The following UFD1 variants were observed in gnomAD, a reference collection of about 807,000 sequenced individuals.
UFD1 encodes ubiquitin recognition factor in ER associated degradation 1, also known as ubiquitin recognition factor in ER-associated degradation protein 1.
In UFD1, 13 loss-of-function variants were observed where a neutral mutation model predicts 45.9. That is an observed-to-expected ratio of 0.28 (90% CI 0.18 to 0.45). UFD1 has a LOEUF of 0.45. Among genes scored for constraint, UFD1 ranks in the 20% least tolerant of loss-of-function variants. The probability of loss-of-function intolerance (pLI) is 1.00; values close to 1 mark genes in which losing one functional copy is unlikely to be tolerated. For synonymous variants in UFD1, 128 were observed against 139.2 expected, an observed-to-expected ratio of 0.92 and a Z score of 0.56; for missense variants, 218 against 389.2, an observed-to-expected ratio of 0.56 and a Z score of 3.70.
chr22:19,474,045 G>A (rs1418589953), intron 3 of UFD1, among the ~76,000 whole-genome samples: 1 of 152,152 alleles, frequency 6.6e-6, no homozygotes, highest in African/African-American at 2.4e-5. Flanking sequence ...GTGTAGTATG[G>A]GGCTAGGGCA....
At chr22:19,454,534 C>A in intron 11 of UFD1, 4 of 1,056,718 alleles carry the variant, frequency 3.8e-6, no homozygotes, top group Non-Finnish European at 5.1e-6. Flanking sequence ...ATGTGACTTG[C>A]CCCCTGCCAT....
chr22:19,479,148 C>G lies in UFD1; in HGVS notation c.-63G>C. The stretch of plus-strand genomic sequence containing the variant: ...AATGCAACGAAGAAACCCCGCCGAC[C>G]GCTCTCCCAGCCGCCGCTGCCGCTG... On this transcript the variant is annotated 5_prime_UTR_variant, in exon 1 of 12. Transcript: ENST00000263202. 1 of 1,589,758 alleles carries G rather than the reference C, an allele frequency of 6.3e-7. No homozygotes were observed. The highest frequency in any genetic ancestry group is 2.3e-5 in the East Asian group (1 of 43,368).
intron 11 of UFD1, chr22:19,454,002 T>A: frequency 1.0e-6 from 1 of 985,710 alleles, no homozygotes; most frequent in Non-Finnish European, 1.2e-6. Flanking sequence ...TCCCACAAAG[T>A]GCCCATGTCT....
intron 11 of UFD1, 86 bp downstream of exon 11, chr22:19,454,663 C>G: frequency 1.9e-6 from 3 of 1,602,246 alleles, no homozygotes; most frequent in Non-Finnish European, 2.6e-6. Context: ...ATGCACACCC[C>G]TACTCAGAAT....
chr22:19,457,098 T>C lies in UFD1; in HGVS notation c.565-180A>G, dbSNP rs552020853. 239 of 608,324 alleles carry C rather than the reference T, an allele frequency of 3.9e-4. 2 individuals are homozygous for C. In the East Asian group the frequency reaches 6.6e-3, roughly 17 times the overall value. The allele number at this position is 608,324 out of a possible 1,614,324, so 37.7% of individuals were successfully genotyped here. ...CATCTTACAAAATTACAGTAAAGTA[T>C]TGCTGCCAGGATATCAACACTGGCA... On this transcript the variant is annotated intron_variant, in intron 7 of 11. Transcript: ENST00000263202.
chr22:19,450,398 T>C lies in UFD1; in HGVS notation c.*272A>G, dbSNP rs959201420. ...TTGCTCCTGCTGAGGCAGTGGGAGCTCCCCTCAAGCTGAAAGCGTGAAGAG... is the reference window on the plus strand; with the variant it reads ...TTGCTCCTGCTGAGGCAGTGGGAGCCCCCCTCAAGCTGAAAGCGTGAAGAG... On this transcript the variant is annotated 3_prime_UTR_variant, in exon 12 of 12. Coordinates refer to ENST00000263202, the MANE Select transcript of UFD1 (RefSeq NM_005659.7). 1 of 406,200 alleles carries C rather than the reference T, an allele frequency of 2.5e-6. No individual in the cohort carries two copies. The highest frequency in any genetic ancestry group is 4.5e-6 in the Non-Finnish European group (1 of 222,450). 25.2% of individuals were successfully genotyped at this position (406,200 alleles called of 1,614,324 possible).
At chr22:19,475,259 A>G (rs148222350) in intron 2 of UFD1, among the ~76,000 whole-genome samples, 159 bp from the exon 3 acceptor site, 56 of 152,298 alleles carry the variant, frequency 3.7e-4, no homozygotes, top group African/African-American at 1.2e-3. Context: ...ACTTGATGTA[A>G]TTTATTTTGG....
At chr22:19,474,402 C>T (rs1272122122) in intron 3 of UFD1, among the ~76,000 whole-genome samples, 9 of 152,158 alleles carry the variant, frequency 5.9e-5, no homozygotes, top group Admixed American at 2.6e-4. Context: ...AAAAATTAGC[C>T]GGGCGTGGTG....
chr22:19,456,671 C>A (rs763834823), intron 8 of UFD1, 37 bp from the exon 9 acceptor site: 1 of 1,614,126 alleles, frequency 6.2e-7, no homozygotes, highest in Non-Finnish European at 8.5e-7. Context: ...AGCTCCTCAG[C>A]GGGGACACCC....
At chr22:19,475,383 C>A in intron 2 of UFD1, 87 bp downstream of exon 2, 1 of 1,555,290 alleles carries the variant, frequency 6.4e-7, no homozygotes, top group Non-Finnish European at 8.7e-7. Context: ...TTCTGACTCC[C>A]ACATGCAAAG....
intron 3 of UFD1, among the ~76,000 whole-genome samples, chr22:19,472,450 G>A (rs142155321): frequency 1.3e-5 from 2 of 152,334 alleles, no homozygotes; most frequent in East Asian, 1.9e-4. Flanking sequence ...GGCAGTGTGA[G>A]CTCTCAGCAG....
chr22:19,457,751 T>C (rs1365561065), intron 7 of UFD1, among the ~76,000 whole-genome samples: 9 of 151,726 alleles, frequency 5.9e-5, no homozygotes, highest in Non-Finnish European at 8.8e-5. Context: ...GTGGAGGTTG[T>C]AGTGAGCCAA....
At chr22:19,467,503 G>A (rs890906434) in intron 5 of UFD1, 7 of 203,176 alleles carry the variant, frequency 3.4e-5, no homozygotes, top group Admixed American at 1.1e-4. Context: ...CCAGTGCACA[G>A]CTGGGCGGAG....
chr22:19,468,137 T>C, intron 4 of UFD1, 134 bp from the exon 5 acceptor site: 1 of 1,235,882 alleles, frequency 8.1e-7, no homozygotes, highest in Non-Finnish European at 1.1e-6. Flanking sequence ...AAGTAATTCG[T>C]GATACTATGT....
At position 19,479,162 on chromosome 22, in the gene UFD1, C is replaced by G. The variant is rs983573290; in HGVS notation, c.-77G>C. The stretch of plus-strand genomic sequence containing the variant: ...ACCCCGCCGACCGCTCTCCCAGCCG[C>G]CGCTGCCGCTGCCGCCGCGCCAAGC... On this transcript the variant is annotated 5_prime_UTR_variant, in exon 1 of 12. Coordinates refer to ENST00000263202, the MANE Select transcript of UFD1 (RefSeq NM_005659.7). 6.4e-7 allele frequency: 1 copy of G among 1,569,214 alleles called. No individual in the cohort carries two copies. The highest frequency in any genetic ancestry group is 1.4e-5 in the African/African-American group (1 of 73,650).
chr22:19,471,836 A>T, intron 3 of UFD1, 28 bp from the exon 4 acceptor site: 2 of 1,606,720 alleles, frequency 1.2e-6, no homozygotes, highest in Non-Finnish European at 1.7e-6. Context: ...ACTATGAGGC[A>T]CAGCTCCTAT....
intron 2 of UFD1, 82 bp from the exon 3 acceptor site, chr22:19,475,182 T>A (rs2089872749): frequency 7.1e-7 from 1 of 1,408,372 alleles, no homozygotes; most frequent in Non-Finnish European, 9.7e-7. Context: ...TCTTTATATC[T>A]AACAAAAAGC....
chr22:19,454,070 G>C, intron 11 of UFD1: 1 of 985,730 alleles, frequency 1.0e-6, no homozygotes, highest in South Asian at 4.7e-5. Flanking sequence ...CAGCTAGAAG[G>C]TGCTGCCTAT....
Position 19,450,643 on chromosome 22 carries a change from AT to A in UFD1, c.*26del, listed in dbSNP as rs765779717. The A allele has an allele frequency of 7.4e-6, 12 of 1,613,582 alleles. No homozygotes were observed. Among genetic ancestry groups the A allele is most frequent in the Non-Finnish European group, 1.0e-5 (12 of 1,179,808 alleles). ...AGATGTTGCAAATGATTCTTTTATT[AT>A]TTTCCAATCAGCCAACAGTCCTCAC... On this transcript the variant is annotated 3_prime_UTR_variant, in exon 12 of 12. Transcript: ENST00000263202.
Sources: allele counts gnomAD v4.1 joint callset (sites outside exome capture counted in the v4.1 genomes callset), GRCh38; gene constraint gnomAD v4.1.1; transcripts MANE v1.5; gene names NCBI Gene and HGNC (gene_info 2026-07-23, HGNC 2026-07-21).